RAD51B: variants seen among roughly 807,000 people sequenced by gnomAD.
The protein encoded by RAD51B is RAD51 paralog B.
A neutral mutation model predicts 42.2 loss-of-function variants in RAD51B; 38 were observed. The ratio of observed to expected loss-of-function variants is 0.90; its 90% CI spans 0.70 to 1.18. RAD51B has a LOEUF of 1.18. Among genes scored for constraint, RAD51B ranks in the 50% most tolerant of loss-of-function variants. The pLI is 0.00. For missense variants in RAD51B, 373 were observed against 400.7 expected (o/e 0.93, Z 0.59); for synonymous variants, 154 against 145.2 (o/e 1.06, Z -0.43).
intron 11 of RAD51B, among the ~76,000 whole-genome samples, chr14:68,680,930 G>C (rs1332366125): frequency 4.6e-5 from 7 of 152,010 alleles, no homozygotes; most frequent in African/African-American, 1.7e-4. Context: ...GGAGTTTGGG[G>C]TGTTTTTTTA....
At chr14:68,266,729 C>T (rs1178359019) in intron 7 of RAD51B, among the ~76,000 whole-genome samples, 1 of 152,206 alleles carries the variant, frequency 6.6e-6, no homozygotes, top group Non-Finnish European at 1.5e-5. Flanking sequence ...TCTGACTCTA[C>T]TACTTAAGAG....
chr14:68,253,080 CA>C (rs750026666), intron 7 of RAD51B, among the ~76,000 whole-genome samples: 1,931 of 108,272 alleles, frequency 0.018, 17 homozygotes, highest in African/African-American at 0.032. Context: ...AGGACTCCGT[CA>C]AAAAAAAAAA....
In RAD51B at chr14:68,468,411, G is replaced by A. The variant is rs372032557; in HGVS notation, c.1036+161G>A. 1.4e-4 allele frequency: 114 copies of A among 803,328 alleles called. 1 individual carries two copies. Among genetic ancestry groups the A allele is most frequent in the Middle Eastern group, 7.1e-4 (2 of 2,834 alleles). 49.8% of individuals were successfully genotyped at this position (803,328 alleles called of 1,614,324 possible). ...TTTACCCTAGTGAGAGCAAGAGAGC[G>A]GCAGTTGTGGCAAGAATTTGACAGA... On this transcript the variant is annotated intron_variant, in intron 10 of 10. Transcript: ENST00000471583.
intron 9 of RAD51B, among the ~76,000 whole-genome samples, chr14:68,465,949 AAAAAAT>A (rs1478280787): frequency 4.0e-4 from 40 of 100,054 alleles, no homozygotes; most frequent in Admixed American, 2.0e-3. Flanking sequence ...TCAAAAAAAA[AAAAAAT>A]AAATAAATAA....
chr14:68,019,688 T>C (rs890091037), intron 7 of RAD51B, among the ~76,000 whole-genome samples: 1 of 152,198 alleles, frequency 6.6e-6, no homozygotes, highest in African/African-American at 2.4e-5. Context: ...CTGGATCCAA[T>C]TCCCAGTATA....
rs576309760 is a variant in RAD51B at position 68,637,778 on chromosome 14, G to A, written c.1037-13003G>A. On this transcript the variant is annotated intron_variant, in intron 10 of 11. Coordinates refer to the RAD51B transcript ENST00000488612. ...GCCGAGTTCAGGAGTAGGAAGGGTCGGTCAGGCGTTCATGAGGACCTCTTC... is the reference window on the plus strand; with the variant it reads ...GCCGAGTTCAGGAGTAGGAAGGGTCAGTCAGGCGTTCATGAGGACCTCTTC... Among the ~76,000 whole-genome samples, 14 of 152,206 alleles carry A rather than the reference G, an allele frequency of 9.2e-5. No homozygotes were observed. In the East Asian group the frequency reaches 2.3e-3, roughly 25 times the overall value.
chr14:68,094,266 G>A (rs1158563316), intron 7 of RAD51B, among the ~76,000 whole-genome samples: 15 of 152,012 alleles, frequency 9.9e-5, no homozygotes, highest in East Asian at 3.9e-4. Flanking sequence ...ATTTTCTGAC[G>A]TTTTGTTTTC....
chr14:68,572,249 GTC>G (rs1308261855), intron 10 of RAD51B, among the ~76,000 whole-genome samples: 2 of 152,226 alleles, frequency 1.3e-5, no homozygotes, highest in African/African-American at 4.8e-5. Context: ...GTCCCCTAGT[GTC>G]TCTCAAACCC....
At chr14:68,154,699 T>C (rs1727764707) in intron 7 of RAD51B, among the ~76,000 whole-genome samples, 1 of 152,186 alleles carries the variant, frequency 6.6e-6, no homozygotes, top group South Asian at 2.1e-4. Context: ...CTTTCCTTTT[T>C]TTTTTTTTTC....
Position 67,886,962 on chromosome 14 carries a change from CTTTA to C in RAD51B, c.573-47_573-44del, listed in dbSNP as rs1566942186. The C allele has an allele frequency of 1.4e-5, 16 of 1,139,636 alleles. No individual in the cohort carries two copies. The Admixed American group carries it at 1.5e-4, about 11-fold the overall frequency. 70.6% of individuals were successfully genotyped at this position (1,139,636 alleles called of 1,614,324 possible). A position where few individuals can be genotyped will look rare whatever the true frequency, so the allele number is the denominator to read the frequency against. ...TTAAGTTGCTTAGCCTTTGCAATAC[CTTTA>C]TTTATTTATTTTATCTTAAATTTAT... is the stretch of plus-strand genomic sequence containing the variant. On this transcript the variant is annotated intron_variant, in intron 6 of 10. Coordinates refer to ENST00000471583, the MANE Select transcript of RAD51B (RefSeq NM_133510.4).
chr14:68,238,058 A>G (rs1198294355), intron 7 of RAD51B, among the ~76,000 whole-genome samples: 4 of 152,140 alleles, frequency 2.6e-5, no homozygotes, highest in African/African-American at 4.8e-5. Context: ...GCTGGGTTAT[A>G]TGTTAACTCT....
In RAD51B at chr14:67,819,864, G is replaced by T. The variant is rs1263439058; in HGVS notation, c.-3+11G>T. 6.6e-6 allele frequency: 1 copy of T among 152,174 alleles called. No homozygotes were observed. Among genetic ancestry groups the T allele is most frequent in the Non-Finnish European group, 1.5e-5 (1 of 68,070 alleles). 9.4% of individuals were successfully genotyped at this position (152,174 alleles called of 1,614,324 possible). ...GATGCTGCAGACCCGGTACTGGAAA[G>T]TTTCATGTGGGGTGCCGTTGTGGGG... is the stretch of plus-strand genomic sequence containing the variant. On this transcript the variant is annotated intron_variant, in intron 1 of 10. Transcript: ENST00000471583.
intron 7 of RAD51B, among the ~76,000 whole-genome samples, chr14:68,197,594 A>T (rs2079398711): frequency 6.6e-6 from 1 of 152,174 alleles, no homozygotes; most frequent in Non-Finnish European, 1.5e-5. Flanking sequence ...AGGTTATACA[A>T]ATTTTCCATT....
chr14:68,100,070 A>C (rs1020781612), intron 7 of RAD51B, among the ~76,000 whole-genome samples: 4 of 152,166 alleles, frequency 2.6e-5, no homozygotes, highest in African/African-American at 9.7e-5. Flanking sequence ...TTTTCTCCTG[A>C]TTAGACTCTT....
In RAD51B at chr14:68,442,377, C is replaced by T. The variant is rs140365993; in HGVS notation, c.958-25795C>T. Among the ~76,000 whole-genome samples, 286 of 147,312 alleles carry T rather than the reference C, an allele frequency of 1.9e-3. 5 individuals carry two copies. The highest frequency in any genetic ancestry group is 0.018 in the Admixed American group (266 of 14,720). On this transcript the variant is annotated intron_variant, in intron 9 of 10. Coordinates refer to ENST00000471583, the MANE Select transcript of RAD51B (RefSeq NM_133510.4). ...TCTCTAGCAGCATCTGAGAGAGTTA[C>T]TGAAACTACCTTAACAAATCCTATT...
At chr14:67,921,344 A>T (rs925380891) in intron 7 of RAD51B, among the ~76,000 whole-genome samples, 2 of 152,144 alleles carry the variant, frequency 1.3e-5, no homozygotes, top group Non-Finnish European at 2.9e-5. Context: ...AGTAGCTGAG[A>T]TTACAGGCAT....
chr14:68,419,877 G>T (rs2084656266), intron 9 of RAD51B, among the ~76,000 whole-genome samples: 1 of 152,192 alleles, frequency 6.6e-6, no homozygotes. Flanking sequence ...TGCCATCCTA[G>T]GGTCCCATAG....
chr14:67,840,972 T>G (rs1356736783), intron 4 of RAD51B, among the ~76,000 whole-genome samples: 3 of 152,136 alleles, frequency 2.0e-5, no homozygotes, highest in East Asian at 3.9e-4. Context: ...CAGCTAATTT[T>G]ATTTTTTAGT....
chr14:68,507,475 G>A lies in RAD51B; in HGVS notation c.1036+39225G>A, dbSNP rs1885414740. ...TTGTGTGAGGGCTTCAGATTGCAGA[G>A]GGTCCTAGGACTGGCATTCCATAGG... On this transcript the variant is annotated intron_variant, in intron 10 of 10. Coordinates refer to the RAD51B transcript ENST00000487270. Among the ~76,000 whole-genome samples the A allele has an allele frequency of 2.0e-5, 3 of 152,316 alleles. 1 individual carries two copies.
Sources: allele counts gnomAD v4.1 joint callset (sites outside exome capture counted in the v4.1 genomes callset), GRCh38; gene constraint gnomAD v4.1.1; transcripts MANE v1.5; gene names NCBI Gene and HGNC (gene_info 2026-07-23, HGNC 2026-07-21).